PAXIP1: variants seen among roughly 807,000 people sequenced by gnomAD.
The protein encoded by PAXIP1 is PAX-interacting protein 1.
Under a neutral mutation model 140.6 loss-of-function variants are expected in PAXIP1, and 19 were observed. The observed-to-expected ratio is 0.14, with a 90% confidence interval of 0.09 to 0.20. The LOEUF (loss-of-function observed/expected upper bound fraction) is 0.20. Among genes scored for constraint, PAXIP1 ranks in the 10% least tolerant of loss-of-function variants. The pLI, the probability that PAXIP1 is intolerant of heterozygous loss-of-function variation, is 1.00. For missense variants in PAXIP1, 920 were observed against 1,208.6 expected, an observed-to-expected ratio of 0.76 and a Z score of 3.54; for synonymous variants, 442 against 444.6, an observed-to-expected ratio of 0.99 and a Z score of 0.07.
chr7:154,963,680 C>G lies in PAXIP1; in HGVS notation c.1980G>C (p.Ala660=), dbSNP rs372502428. The change falls in exon 9 of 21, where the codon GCG becomes GCC. Residue 660 remains alanine, a synonymous_variant. Coordinates refer to ENST00000404141, the MANE Select transcript of PAXIP1 (RefSeq NM_007349.4). This position sits in a 1 kb window ranked among gnomAD's most constrained non-coding sequence, Gnocchi z 4.1. ...AGGCTATTTTCCTTACCTGTGCATA[C>G]GCGCTGCTGACTTGACTCTCACAGA... ...HLLCESQVSS[A]YAQAIRERKR... 43 of 1,611,874 alleles carry G rather than the reference C, an allele frequency of 2.7e-5. No individual in the cohort carries two copies. The highest frequency in any genetic ancestry group is 2.1e-4 in the African/African-American group (16 of 75,016).
Position 154,968,836 on chromosome 7 carries a change from C to A in PAXIP1, c.1365G>T (p.Gln455His). 1.3e-6 allele frequency: 1 copy of A among 753,590 alleles called. No individual in the cohort carries two copies. Among genetic ancestry groups the A allele is most frequent in the Admixed American group, 2.0e-5 (1 of 50,006 alleles). The allele number at this position is 753,590 out of a possible 1,614,324, so 46.7% of individuals were successfully genotyped here. A position where few individuals can be genotyped will look rare whatever the true frequency, so the allele number is the denominator to read the frequency against. Residue 455 changes from glutamine (Q) to histidine (H), a missense_variant, in exon 7 of 21, where the codon CAG (glutamine) becomes CAT (histidine). Gln to His is a conservative substitution (Grantham distance 24, BLOSUM62 0). This residue lies in a region of PAXIP1 where 133 missense variants were observed against 88.4 expected (regional missense o/e 1.50). Coordinates refer to ENST00000404141, the MANE Select transcript of PAXIP1 (RefSeq NM_007349.4). Reference protein sequence around the residue: ...PHPFSQQQQQQQQAHPHQFSQ... With the variant: ...PHPFSQQQQQHQQAHPHQFSQ... Reference sequence around the variant, plus strand: ...AAAACTGATGCGGATGGGCTTGCTGCTGCTGCTGCTGTTGCTGTGAAAATG... The same window carrying A: ...AAAACTGATGCGGATGGGCTTGCTGATGCTGCTGCTGTTGCTGTGAAAATG...
intron 6 of PAXIP1, among the ~76,000 whole-genome samples, chr7:154,972,859 G>C (rs1425917654): frequency 6.6e-6 from 1 of 152,216 alleles, no homozygotes; most frequent in Admixed American, 6.5e-5. Flanking sequence ...GGTCAAAAAT[G>C]CTAGAATCCT....
intron 4 of PAXIP1, 136 bp downstream of exon 4, chr7:154,990,870 A>G (rs1363372976): frequency 3.9e-6 from 2 of 516,068 alleles, no homozygotes; most frequent in Admixed American, 4.1e-5. Context: ...TTTAAGTGTC[A>G]TGAGTTTATA....
Position 154,946,076 on chromosome 7 carries a change from CTATTT to C in PAXIP1, c.3194+284_3194+288del. 1.0e-6 allele frequency: 1 copy of C among 975,572 alleles called. No homozygotes were observed. The highest frequency in any genetic ancestry group is 1.2e-6 in the Non-Finnish European group (1 of 820,974). The allele number at this position is 975,572 out of a possible 1,614,324, so 60.4% of individuals were successfully genotyped here. A position where few individuals can be genotyped will look rare whatever the true frequency, so the allele number is the denominator to read the frequency against. ...ATATATTTATTTTTGCAATTATTTT[CTATTT>C]TATCTAATTGTCAAATTCTTTAATA... On this transcript the variant is annotated intron_variant, in intron 20 of 20. Transcript: ENST00000404141. This position sits in a 1 kb window ranked among gnomAD's most constrained non-coding sequence, Gnocchi z 4.9.
intron 8 of PAXIP1, among the ~76,000 whole-genome samples, chr7:154,966,811 C>T (rs1809045261): frequency 6.6e-6 from 1 of 152,180 alleles, no homozygotes; most frequent in African/African-American, 2.4e-5. Context: ...TAAACTTCAC[C>T]ACATGGCACA....
intron 3 of PAXIP1, among the ~76,000 whole-genome samples, chr7:154,991,450 G>A (rs1223083368): frequency 4.6e-5 from 7 of 152,266 alleles, no homozygotes; most frequent in Admixed American, 2.6e-4. Context: ...AAATTAAAAC[G>A]TCTTGTTTCT....
At chr7:154,944,474 C>T (rs73492053) in intron 20 of PAXIP1, 3,771 of 204,748 alleles carry the variant, frequency 0.018, 146 homozygotes, top group African/African-American at 0.081. Flanking sequence ...CAACACACAA[C>T]CCCCAAGAGC....
chr7:154,981,913 T>G (rs1295774995), intron 5 of PAXIP1, among the ~76,000 whole-genome samples: 2 of 152,170 alleles, frequency 1.3e-5, no homozygotes, highest in East Asian at 3.9e-4. Context: ...ATCAAAATAT[T>G]TTGGAAGGGG....
intron 3 of PAXIP1, 41 bp from the exon 4 acceptor site, chr7:154,991,110 T>C (rs751396268): frequency 7.4e-6 from 8 of 1,080,518 alleles, no homozygotes; most frequent in Non-Finnish European, 1.1e-5. Context: ...ATAAGATTAG[T>C]GCAACCTGTA....
intron 5 of PAXIP1, among the ~76,000 whole-genome samples, chr7:154,980,711 G>C (rs1809801973): frequency 6.6e-6 from 1 of 152,186 alleles, no homozygotes; most frequent in African/African-American, 2.4e-5. Context: ...ACCACTTCTG[G>C]CCCATGTAAT....
rs202179575 is a variant in PAXIP1 at position 154,944,104 on chromosome 7, A to C, written c.*45T>G. On this transcript the variant is annotated 3_prime_UTR_variant, in exon 21 of 21. Coordinates refer to ENST00000404141, the MANE Select transcript of PAXIP1 (RefSeq NM_007349.4). ...GCAGCTCCTCGCCAGCCAGACAGCC[A>C]GCCCCGCACCGCAGGAGTCGACATG... The C allele has an allele frequency of 3.7e-6, 6 of 1,606,950 alleles. No individual in the cohort carries two copies. Among genetic ancestry groups the C allele is most frequent in the East Asian group, 2.2e-5 (1 of 44,812 alleles).
chr7:154,957,081 C>T, intron 14 of PAXIP1, 143 bp downstream of exon 14: 1 of 534,368 alleles, frequency 1.9e-6, no homozygotes, highest in East Asian at 3.0e-5. Flanking sequence ...AAATATATCC[C>T]AATAAAGTTG....
In PAXIP1 at chr7:154,943,916, TG is replaced by T. The variant is rs1308808736; in HGVS notation, c.*232del. On this transcript the variant is annotated 3_prime_UTR_variant, in exon 21 of 21. Transcript: ENST00000404141. ...GGCAAATGAATCATAAAACCTAATG[TG>T]GGCTCTTAAAGTCATATAATACAAA... The T allele has an allele frequency of 1.2e-5, 6 of 493,938 alleles. No homozygotes were observed. Among genetic ancestry groups the T allele is most frequent in the Non-Finnish European group, 2.3e-5 (6 of 266,342 alleles). 30.6% of individuals were successfully genotyped at this position (493,938 alleles called of 1,614,324 possible).
At chr7:154,982,183 G>GT (rs1482710683) in intron 5 of PAXIP1, among the ~76,000 whole-genome samples, 1 of 152,138 alleles carries the variant, frequency 6.6e-6, no homozygotes, top group Admixed American at 6.5e-5. Context: ...TGGAAAATAT[G>GT]TTTTTTACTT....
At chr7:154,996,238 G>A (rs1446548554) in intron 2 of PAXIP1, among the ~76,000 whole-genome samples, 1 of 152,166 alleles carries the variant, frequency 6.6e-6, no homozygotes, top group Non-Finnish European at 1.5e-5. Context: ...GCAAACTGTT[G>A]AGTCAGCTCC....
At position 154,968,955 on chromosome 7, in the gene PAXIP1, C is replaced by T. The variant is rs762397614; in HGVS notation, c.1246G>A (p.Val416Ile). 2.6e-5 allele frequency: 39 copies of T among 1,510,496 alleles called. No homozygotes were observed. In the African/African-American group the frequency reaches 4.5e-4, roughly 18 times the overall value. The allele number at this position is 1,510,496 out of a possible 1,614,324, so 93.6% of individuals were successfully genotyped here. The change falls in exon 7 of 21, where the codon GTT (valine) becomes ATT (isoleucine). Residue 416 changes from valine (V) to isoleucine (I), a missense_variant. By Grantham distance (29) the Val-to-Ile change is conservative (BLOSUM62 3). Coordinates refer to ENST00000404141, the MANE Select transcript of PAXIP1 (RefSeq NM_007349.4). Reference protein sequence around the residue: ...QAQQQQQQHPVLHLQPQQIMQ... With the variant: ...QAQQQQQQHPILHLQPQQIMQ... ...ATCTGCTGGGGCTGAAGGTGTAAAACCGGGTGCTGCTGCTGCTGCTGCTGG... is the reference window on the plus strand; with the variant it reads ...ATCTGCTGGGGCTGAAGGTGTAAAATCGGGTGCTGCTGCTGCTGCTGCTGG...
At chr7:154,975,496 T>A (rs933519055) in intron 6 of PAXIP1, among the ~76,000 whole-genome samples, 200 bp downstream of exon 6, 1 of 147,378 alleles carries the variant, frequency 6.8e-6, no homozygotes, top group African/African-American at 2.5e-5. Flanking sequence ...CCTTTTTCAA[T>A]GACCCTGAAA....
chr7:154,946,184 A>G lies in PAXIP1; in HGVS notation c.3194+181T>C, dbSNP rs1807965157. The G allele has an allele frequency of 1.0e-6, 1 of 983,188 alleles. No homozygotes were observed. The highest frequency in any genetic ancestry group is 1.2e-6 in the Non-Finnish European group (1 of 827,854). 60.9% of individuals were successfully genotyped at this position (983,188 alleles called of 1,614,324 possible). A position where few individuals can be genotyped will look rare whatever the true frequency, so the allele number is the denominator to read the frequency against. ...ACTGAACTCTCAGTAAGTTAAGAGAATATTTTTACTAGCAACTCAAATGAA... is the reference window on the plus strand; with the variant it reads ...ACTGAACTCTCAGTAAGTTAAGAGAGTATTTTTACTAGCAACTCAAATGAA... On this transcript the variant is annotated intron_variant, in intron 20 of 20. Coordinates refer to ENST00000404141, the MANE Select transcript of PAXIP1 (RefSeq NM_007349.4). The surrounding 1 kb of genome is among the most constrained non-coding windows in gnomAD (Gnocchi z 4.9).
chr7:154,967,139 C>T (rs765417555), intron 8 of PAXIP1, among the ~76,000 whole-genome samples: 2 of 152,190 alleles, frequency 1.3e-5, no homozygotes, highest in African/African-American at 2.4e-5. Context: ...GGCTGCCTCT[C>T]GCACTGCTCT....
Sources: gnomAD v4.1 joint callset for allele counts (sites outside exome capture counted in the v4.1 genomes callset) on GRCh38, gnomAD v4.1.1 for gene constraint, gnomAD v4.1.1 regional missense constraint, Gnocchi (gnomAD v3.1) non-coding constraint, MANE v1.5 for transcripts, NCBI Gene and HGNC (gene_info 2026-07-23, HGNC 2026-07-21) for gene names.